The following NEB variants were observed in gnomAD, a reference collection of about 807,000 sequenced individuals.
NEB encodes the protein nebulin.
NEB carries 512 observed loss-of-function variants against 952.2 expected under a neutral mutation model. The ratio of observed to expected loss-of-function variants is 0.54; its 90% CI spans 0.50 to 0.58. NEB has a LOEUF of 0.58. Ranked by LOEUF, NEB falls within the 20% of genes least tolerant of loss-of-function variation. The pLI, the probability that NEB is intolerant of heterozygous loss-of-function variation, is 0.00. For synonymous variants in NEB, 2,900 were observed against 3,149.8 expected (o/e 0.92, Z 2.66); for missense variants, 8,428 against 9,231.1 (o/e 0.91, Z 3.56).
chr2:151,699,876 G>C lies in NEB; in HGVS notation c.1153-2228C>G, dbSNP rs956431797. On this transcript the variant is annotated intron_variant, in intron 13 of 181. Coordinates refer to ENST00000397345, the MANE Select transcript of NEB (RefSeq NM_001164508.2). Reference sequence around the variant, plus strand: ...GAAGCTCTTTAGTTTAATTAGATCCGATTTGTCAATTTTGGCTTTTGTTGC... The same window carrying C: ...GAAGCTCTTTAGTTTAATTAGATCCCATTTGTCAATTTTGGCTTTTGTTGC... Among the ~76,000 whole-genome samples, 209 of 149,950 alleles carry C rather than the reference G, an allele frequency of 1.4e-3. 1 individual carries two copies. The highest frequency in any genetic ancestry group is 5.8e-3 in the East Asian group (29 of 5,028).
intron 27 of NEB, among the ~76,000 whole-genome samples, chr2:151,685,990 T>C (rs1220647465): frequency 6.6e-6 from 1 of 152,214 alleles, no homozygotes; most frequent in Non-Finnish European, 1.5e-5. Context: ...ACTGAATACA[T>C]TTATTATTTA....
In NEB at chr2:151,663,628, T is replaced by G. The variant is rs2099170988; in HGVS notation, c.5683A>C (p.Asn1895His). The G allele has an allele frequency of 6.2e-7, 1 of 1,613,814 alleles. No individual in the cohort carries two copies. The highest frequency in any genetic ancestry group is 8.5e-7 in the Non-Finnish European group (1 of 1,179,758). ...QEVATNANYR[N>H]VIHTYNMLPD... is the part of the protein sequence containing the mutation. Reference sequence around the variant, plus strand: ...AGCATGTTGTAGGTATGGATCACGTTCCTGTAGTTGGCATTGGTGGCCACT... The same window carrying G: ...AGCATGTTGTAGGTATGGATCACGTGCCTGTAGTTGGCATTGGTGGCCACT... The change falls in exon 45 of 182, where the codon AAC becomes CAC. Residue 1895 changes from asparagine to histidine, a missense_variant. Around this residue, in one of 11 missense-constraint regions of NEB, gnomAD observed 2,851 missense variants for 2,791.5 expected, o/e 1.02. Coordinates refer to ENST00000397345, the MANE Select transcript of NEB (RefSeq NM_001164508.2).
At chr2:151,533,610 T>C (rs981649762) in intron 142 of NEB, 64 bp from the exon 143 acceptor site, 3 of 1,022,850 alleles carry the variant, frequency 2.9e-6, no homozygotes, top group Non-Finnish European at 4.5e-6. Context: ...AACACGGCTC[T>C]ATATCCCAAT....
In NEB at chr2:151,665,382, T is replaced by C; in HGVS notation, c.5189A>G (p.Asp1730Gly). ...CTTGTTAAGTGCCTGTTCCATTGTG[T>C]CCATGGCGTAAGTGAACTTCAGCTT... is the stretch of plus-strand genomic sequence containing the variant. ...PEKLKFTYAMDTMEQALNKSN... is the reference protein window; with the variant it reads ...PEKLKFTYAMGTMEQALNKSN... Residue 1730 changes from aspartate to glycine, a missense_variant, in exon 42 of 182, where the codon GAC becomes GGC. Asp to Gly is a moderately conservative substitution (Grantham distance 94). Around this residue, in one of 11 missense-constraint regions of NEB, gnomAD observed 2,851 missense variants for 2,791.5 expected, o/e 1.02. Coordinates refer to ENST00000397345, the MANE Select transcript of NEB (RefSeq NM_001164508.2). 6.2e-7 allele frequency: 1 copy of C among 1,613,632 alleles called. No individual in the cohort carries two copies. Among genetic ancestry groups the C allele is most frequent in the Non-Finnish European group, 8.5e-7 (1 of 1,179,766 alleles).
intron 65 of NEB, among the ~76,000 whole-genome samples, chr2:151,633,071 A>G (rs1467529026): frequency 6.6e-6 from 1 of 152,222 alleles, no homozygotes; most frequent in Non-Finnish European, 1.5e-5. Flanking sequence ...TAATTCCTTC[A>G]AAGTTTATAA....
chr2:151,558,944 T>C (rs924744784), intron 124 of NEB, among the ~76,000 whole-genome samples: 2 of 151,574 alleles, frequency 1.3e-5, no homozygotes, highest in African/African-American at 4.8e-5. Context: ...GCCATTGGAA[T>C]CTAATTAAAC....
chr2:151,723,229 C>A (rs1490581803), intron 9 of NEB, among the ~76,000 whole-genome samples, 153 bp downstream of exon 9: 1 of 152,126 alleles, frequency 6.6e-6, no homozygotes, highest in East Asian at 1.9e-4. Context: ...TTAAATGAGA[C>A]ATCATAAATT....
In NEB at chr2:151,501,441, C is replaced by G; in HGVS notation, c.23971G>C (p.Val7991Leu). Reference sequence around the variant, plus strand: ...TTGACTCGCTCCATCTCAGGAGTGACAGGTAGGGGAGTCCCCTTGCTCAAG... The same window carrying G: ...TTGACTCGCTCCATCTCAGGAGTGAGAGGTAGGGGAGTCCCCTTGCTCAAG... ...ENLSKGTPLP[V>L]TPEMERVKLN... Residue 7991 changes from valine to leucine, a missense_variant, in exon 168 of 182, where the codon GTC becomes CTC. Physicochemically the swap from Val to Leu is conservative, Grantham distance 32. Coordinates refer to ENST00000397345, the MANE Select transcript of NEB (RefSeq NM_001164508.2). 6.5e-7 allele frequency: 1 copy of G among 1,543,238 alleles called. No homozygotes were observed. Among genetic ancestry groups the G allele is most frequent in the Non-Finnish European group, 8.8e-7 (1 of 1,142,810 alleles).
chr2:151,537,245 A>C lies in NEB; in HGVS notation c.21103-9T>G. The C allele has an allele frequency of 6.4e-7, 1 of 1,560,556 alleles. No homozygotes were observed. The highest frequency in any genetic ancestry group is 2.3e-5 in the East Asian group (1 of 44,432). On this transcript the variant is annotated splice_polypyrimidine_tract_variant and intron_variant, in intron 140 of 181. Transcript: ENST00000397345. ...TCTTCTTTATATTTTACCTGGGAGA[A>C]GAAGAACATCAAAGAGTTCTAAGAA...
intron 124 of NEB, among the ~76,000 whole-genome samples, chr2:151,559,595 G>GGCT (rs1251042009): frequency 6.6e-6 from 1 of 152,184 alleles, no homozygotes; most frequent in African/African-American, 2.4e-5. Flanking sequence ...TATACACCAT[G>GGCT]GAATACTATG....
intron 54 of NEB, among the ~76,000 whole-genome samples, chr2:151,646,556 T>C (rs1371564978): frequency 2.0e-5 from 3 of 152,196 alleles, no homozygotes; most frequent in Admixed American, 6.5e-5. Context: ...TCCCTCAGTG[T>C]TTAATTTAGA....
chr2:151,696,089 T>C (rs1032573195), intron 17 of NEB, among the ~76,000 whole-genome samples: 3 of 152,204 alleles, frequency 2.0e-5, no homozygotes, highest in Admixed American at 6.5e-5. Context: ...TTTCTGGCCA[T>C]TCATCTATTG....
intron 5 of NEB, among the ~76,000 whole-genome samples, chr2:151,725,832 T>C (rs1429268362): frequency 1.3e-5 from 2 of 152,220 alleles, no homozygotes; most frequent in Non-Finnish European, 2.9e-5. Flanking sequence ...ATCTTTTTTT[T>C]TGTCTGAATG....
At chr2:151,682,619 AAC>A in intron 29 of NEB, 41 bp downstream of exon 29, 1 of 1,484,148 alleles carries the variant, frequency 6.7e-7, no homozygotes, top group African/African-American at 1.4e-5. Flanking sequence ...GCTTTAACAC[AAC>A]ACAGTCACCA....
chr2:151,670,379 G>T (rs1355653113), intron 38 of NEB, among the ~76,000 whole-genome samples: 1 of 151,512 alleles, frequency 6.6e-6, no homozygotes, highest in East Asian at 2.0e-4. Context: ...CAAGTCATGT[G>T]AGGCCCTGAG....
In NEB at chr2:151,659,178, A is replaced by G. The variant is rs528962426; in HGVS notation, c.5971-9T>C. On this transcript the variant is annotated splice_polypyrimidine_tract_variant and intron_variant, in intron 46 of 181. Transcript: ENST00000397345. ...GCTTGTTTGTAGAGATGCTAGGAAA[A>G]AAACAGTGTAAATTAGTGTTTAAAA... The G allele has an allele frequency of 1.9e-6, 3 of 1,571,762 alleles. No homozygotes were observed. In the Admixed American group the frequency reaches 5.0e-5, roughly 26 times the overall value.
intron 170 of NEB, 103 bp downstream of exon 170, chr2:151,498,157 G>C: frequency 6.5e-7 from 1 of 1,536,488 alleles, no homozygotes; most frequent in South Asian, 1.2e-5. Flanking sequence ...AGATGTATTA[G>C]AAGCAAAGAA....
At position 151,694,628 on chromosome 2, in the gene NEB, T is replaced by A; in HGVS notation, c.1676A>T (p.Asn559Ile). Residue 559 changes from asparagine to isoleucine, a missense_variant and splice_region_variant, in exon 19 of 182, where the codon AAT becomes ATT. Physicochemically the swap from Asn to Ile is moderately radical, Grantham distance 149 (BLOSUM62 -3). Transcript: ENST00000397345. ...CTTCTCCCAGTCTTGCTTATAAAGATTCTGGACAAAAAAATTCAGCAAAGG... is the reference window on the plus strand; with the variant it reads ...CTTCTCCCAGTCTTGCTTATAAAGAATCTGGACAAAAAAATTCAGCAAAGG... ...HKVNAYNLSDNLYKQDWEKSK... is the reference protein window; with the variant it reads ...HKVNAYNLSDILYKQDWEKSK... The A allele has an allele frequency of 1.3e-6, 2 of 1,575,528 alleles. No individual in the cohort carries two copies. Among genetic ancestry groups the A allele is most frequent in the South Asian group, 2.3e-5 (2 of 86,536 alleles).
At chr2:151,697,939 G>A (rs1159558119) in intron 13 of NEB, among the ~76,000 whole-genome samples, 2 of 152,178 alleles carry the variant, frequency 1.3e-5, no homozygotes, top group African/African-American at 4.8e-5. Flanking sequence ...GGTGGCGGGT[G>A]CCTGTAATCC....
Sources: allele counts gnomAD v4.1 joint callset (sites outside exome capture counted in the v4.1 genomes callset), GRCh38; gene constraint gnomAD v4.1.1; regional missense constraint gnomAD v4.1.1; transcripts MANE v1.5; gene names NCBI Gene and HGNC (gene_info 2026-07-23, HGNC 2026-07-21).